The following SYNE2 variants were observed in gnomAD, a reference collection of about 807,000 sequenced individuals.
The protein encoded by SYNE2 is spectrin repeat containing nuclear envelope protein 2.
In SYNE2, 431 loss-of-function variants were observed where a neutral mutation model predicts 856.3. That is an observed-to-expected ratio of 0.50 (90% CI 0.47 to 0.55). The LOEUF (loss-of-function observed/expected upper bound fraction) is 0.55. Among genes scored for constraint, SYNE2 ranks in the 20% least tolerant of loss-of-function variants. The pLI, the probability that SYNE2 is intolerant of heterozygous loss-of-function variation, is 0.00. For synonymous variants in SYNE2, 2,923 were observed against 2,872.3 expected (o/e 1.02, Z -0.56); for missense variants, 8,129 against 8,023.2 (o/e 1.01, Z -0.50).
Position 64,122,276 on chromosome 14 carries a change from T to C in SYNE2, c.13281-10T>C. On this transcript the variant is annotated splice_polypyrimidine_tract_variant and intron_variant, in intron 69 of 115. Transcript: ENST00000555002. Reference sequence around the variant, plus strand: ...GATTATTCTCTTCACCTTTTGTTCTTCTTCAAAAGCAACCAGGCATCCAGC... The same window carrying C: ...GATTATTCTCTTCACCTTTTGTTCTCCTTCAAAAGCAACCAGGCATCCAGC... 6.2e-7 allele frequency: 1 copy of C among 1,614,218 alleles called. No homozygotes were observed. Among genetic ancestry groups the C allele is most frequent in the Non-Finnish European group, 8.5e-7 (1 of 1,180,040 alleles).
intron 42 of SYNE2, among the ~76,000 whole-genome samples, chr14:64,027,029 A>T: frequency 6.6e-6 from 1 of 152,320 alleles, no homozygotes; most frequent in Non-Finnish European, 1.5e-5. Flanking sequence ...AAAATTCTTA[A>T]TTCATATCAT....
chr14:64,162,327 G>A (rs370569419), intron 88 of SYNE2, 51 bp downstream of exon 88: 2 of 1,577,932 alleles, frequency 1.3e-6, no homozygotes, highest in Admixed American at 1.7e-5. Context: ...CCCAACAGAT[G>A]GGGTAAGGGA....
intron 1 of SYNE2, among the ~76,000 whole-genome samples, chr14:63,876,061 T>C (rs141443342): frequency 7.0e-4 from 107 of 152,310 alleles, no homozygotes; most frequent in African/African-American, 2.4e-3. Context: ...ATGATGGACC[T>C]GTTTTATGAA....
intron 52 of SYNE2, among the ~76,000 whole-genome samples, chr14:64,072,174 G>A (rs2097415887): frequency 6.6e-6 from 1 of 152,130 alleles, no homozygotes; most frequent in African/African-American, 2.4e-5. Context: ...ATTTTCATCT[G>A]TGACTAATTC....
chr14:64,220,697 A>G (rs1019547655), intron 111 of SYNE2, 60 bp downstream of exon 111: 178 of 1,582,464 alleles, frequency 1.1e-4, no homozygotes, highest in Non-Finnish European at 1.4e-4. Flanking sequence ...TGGTAGGAGC[A>G]GCAGATATTT....
At chr14:64,061,906 G>A (rs532166933) in intron 49 of SYNE2, among the ~76,000 whole-genome samples, 1 of 152,246 alleles carries the variant, frequency 6.6e-6, no homozygotes, top group Non-Finnish European at 1.5e-5. Flanking sequence ...CAAAAAACTG[G>A]TCCTACAACT....
At position 63,929,448 on chromosome 14, in the gene SYNE2, G is replaced by A. The variant is rs531590153; in HGVS notation, c.80-11166G>A. On this transcript the variant is annotated intron_variant, in intron 2 of 115. Coordinates refer to ENST00000555002, the MANE Select transcript of SYNE2 (RefSeq NM_182914.3). ...ATAATATGATAAAGAGTAATTGGAT[G>A]GAGGGTATTTTGGATAATGTGTCTG... 2.0e-4 allele frequency among the ~76,000 whole-genome samples: 31 copies of A among 152,292 alleles called. No individual in the cohort carries two copies. The South Asian group carries it at 6.4e-3, about 32-fold the overall frequency.
At chr14:64,121,748 T>C (rs1567362922) in intron 68 of SYNE2, among the ~76,000 whole-genome samples, 1 of 152,248 alleles carries the variant, frequency 6.6e-6, no homozygotes, top group Non-Finnish European at 1.5e-5. Flanking sequence ...TAGTTGCGAC[T>C]CTGCTTTGCC....
chr14:63,830,756 T>G (rs1463045187), intron 1 of SYNE2, among the ~76,000 whole-genome samples: 1 of 151,986 alleles, frequency 6.6e-6, no homozygotes, highest in Non-Finnish European at 1.5e-5. Context: ...TGTTTCGTGA[T>G]TGTTCATAAT....
At chr14:64,047,003 A>T (rs7146859) in intron 45 of SYNE2, among the ~76,000 whole-genome samples, 2 of 152,190 alleles carry the variant, frequency 1.3e-5, no homozygotes, top group African/African-American at 4.8e-5. Flanking sequence ...CGTCATGTGG[A>T]GCAGTTGCCC....
chr14:63,922,206 G>T (rs779601050), intron 2 of SYNE2, among the ~76,000 whole-genome samples: 3 of 152,004 alleles, frequency 2.0e-5, no homozygotes, highest in Non-Finnish European at 2.9e-5. Context: ...GGTCTCACCT[G>T]GTTGCCCAGG....
intron 45 of SYNE2, among the ~76,000 whole-genome samples, chr14:64,040,523 TA>T (rs2097140132): frequency 2.7e-5 from 4 of 150,744 alleles, no homozygotes; most frequent in Admixed American, 2.0e-4. Context: ...AGTTAGAATA[TA>T]TGACTGAGAA....
chr14:63,893,348 C>T (rs565524737), intron 1 of SYNE2, among the ~76,000 whole-genome samples: 5 of 152,242 alleles, frequency 3.3e-5, no homozygotes, highest in Admixed American at 6.5e-5. Context: ...CACTTGAGTC[C>T]GGGAGCTCGA....
intron 21 of SYNE2, among the ~76,000 whole-genome samples, chr14:63,992,368 C>T (rs1301534913): frequency 6.6e-6 from 1 of 152,106 alleles, no homozygotes; most frequent in African/African-American, 2.4e-5. Flanking sequence ...CCTCCAACTC[C>T]TGGGCTCAAG....
At chr14:64,071,369 T>C (rs544371303) in intron 52 of SYNE2, among the ~76,000 whole-genome samples, 2 of 151,752 alleles carry the variant, frequency 1.3e-5, no homozygotes, top group East Asian at 2.0e-4. Flanking sequence ...TGGCAGGAGC[T>C]TGTAGTCCCA....
chr14:64,044,736 G>A (rs1394929391), intron 45 of SYNE2, among the ~76,000 whole-genome samples: 1 of 152,098 alleles, frequency 6.6e-6, no homozygotes, highest in East Asian at 1.9e-4. Flanking sequence ...TTTAAGAAAC[G>A]GGAGTTTGCC....
intron 1 of SYNE2, among the ~76,000 whole-genome samples, chr14:63,902,809 T>A (rs946898320): frequency 6.6e-6 from 1 of 151,982 alleles, no homozygotes; most frequent in Non-Finnish European, 1.5e-5. Flanking sequence ...GGTGGGAACC[T>A]CAGCCTCTGG....
At chr14:63,938,951 C>T (rs1270718215) in intron 2 of SYNE2, among the ~76,000 whole-genome samples, 2 of 151,996 alleles carry the variant, frequency 1.3e-5, no homozygotes, top group Non-Finnish European at 2.9e-5. Flanking sequence ...TGCGTGTGTG[C>T]ATGTGTGCGC....
chr14:64,170,371 T>G lies in SYNE2; in HGVS notation c.17144T>G (p.Phe5715Cys). The change falls in exon 94 of 116, where the codon TTC becomes TGC. Residue 5715 changes from phenylalanine (F) to cysteine (C), a missense_variant. By Grantham distance (205) the Phe-to-Cys change is radical. Around this residue, in one of 3 missense-constraint regions of SYNE2, gnomAD observed 5,410 missense variants for 5,284.8 expected, o/e 1.02. Coordinates refer to ENST00000555002, the MANE Select transcript of SYNE2 (RefSeq NM_182914.3). ...FTTSVENLFR[F>C]LTDTSHLLSA... ...ACTTCTGTGGAGAACTTGTTTCGCT[T>G]CCTCACTGACACCAGCCACCTGCTA... The G allele has an allele frequency of 6.2e-7, 1 of 1,614,166 alleles. No individual in the cohort carries two copies. Among genetic ancestry groups the G allele is most frequent in the South Asian group, 1.1e-5 (1 of 91,084 alleles).
Sources: allele counts gnomAD v4.1 joint callset (sites outside exome capture counted in the v4.1 genomes callset), GRCh38; gene constraint gnomAD v4.1.1; regional missense constraint gnomAD v4.1.1; transcripts MANE v1.5; gene names NCBI Gene and HGNC (gene_info 2026-07-23, HGNC 2026-07-21).